The following OPCML variants were observed in gnomAD, a reference collection of about 807,000 sequenced individuals.
OPCML encodes the protein opioid binding protein/cell adhesion molecule like, also known as opioid-binding protein/cell adhesion molecule.
OPCML carries 13 observed loss-of-function variants against 37.8 expected under a neutral mutation model. The observed-to-expected ratio is 0.34, with a 90% CI of 0.22 to 0.55. OPCML has a LOEUF of 0.55. Among genes scored for constraint, OPCML ranks in the 20% least tolerant of loss-of-function variants. The pLI is 0.91. For synonymous variants in OPCML, 176 were observed against 168.8 expected (o/e 1.04, Z -0.33); for missense variants, 341 against 435.6 (o/e 0.78, Z 1.93).
chr11:132,724,343 T>C (rs1371033771), intron 2 of OPCML, among the ~76,000 whole-genome samples: 3 of 152,198 alleles, frequency 2.0e-5, no homozygotes, highest in Non-Finnish European at 1.5e-5. Context: ...AGTTCTTCTA[T>C]GTATTAGTCT....
chr11:133,024,260 G>A (rs1591922554), intron 1 of OPCML: 8 of 791,446 alleles, frequency 1.0e-5, no homozygotes, highest in Non-Finnish European at 9.2e-6. Flanking sequence ...GGTGAGAAGC[G>A]AAGAAAAAGC....
chr11:133,207,119 TAAA>T (rs71038525), intron 1 of OPCML, among the ~76,000 whole-genome samples: 46 of 99,662 alleles, frequency 4.6e-4, no homozygotes, highest in African/African-American at 1.3e-3. Flanking sequence ...AACCCTCTAC[TAAA>T]AAAAAAAAAA....
chr11:133,220,549 C>A (rs1939772432), intron 1 of OPCML, among the ~76,000 whole-genome samples: 1 of 152,138 alleles, frequency 6.6e-6, no homozygotes. Context: ...TGTCCCTTTG[C>A]CTTGCAGACC....
rs1215416899 is a variant in OPCML at position 133,458,531 on chromosome 11, G to A, written c.61+73733C>T. 3.4e-4 allele frequency among the ~76,000 whole-genome samples: 31 copies of A among 91,862 alleles called. 1 individual carries two copies. The highest frequency in any genetic ancestry group is 4.5e-4 in the Non-Finnish European group (25 of 55,524). The allele number at this position is 91,862 out of a possible 152,430, so 60.3% of individuals were successfully genotyped here. A position where few individuals can be genotyped will look rare whatever the true frequency, so the allele number is the denominator to read the frequency against. Reference sequence around the variant, plus strand: ...ATATACACATATATACACTGTGTGTGTATACACATATATACACGTGTGTGT... The same window carrying A: ...ATATACACATATATACACTGTGTGTATATACACATATATACACGTGTGTGT... On this transcript the variant is annotated intron_variant, in intron 1 of 7. Coordinates refer to ENST00000524381, the MANE Select transcript of OPCML (RefSeq NM_001012393.5).
chr11:132,524,275 A>T (rs1287444899), intron 4 of OPCML, among the ~76,000 whole-genome samples: 1 of 152,154 alleles, frequency 6.6e-6, no homozygotes, highest in Non-Finnish European at 1.5e-5. Context: ...CAGCTGATTC[A>T]CAATGTATTC....
chr11:132,817,460 CT>C (rs1565885277), intron 2 of OPCML, among the ~76,000 whole-genome samples: 1 of 151,862 alleles, frequency 6.6e-6, no homozygotes, highest in Admixed American at 6.6e-5. Context: ...TTCATGGCTT[CT>C]TTTTTTGTCT....
chr11:132,767,975 T>C (rs1160781178), intron 2 of OPCML, among the ~76,000 whole-genome samples: 1 of 152,032 alleles, frequency 6.6e-6, no homozygotes, highest in East Asian at 1.9e-4. Flanking sequence ...AAATCAAGAG[T>C]GATACTGTCA....
intron 2 of OPCML, among the ~76,000 whole-genome samples, chr11:132,754,919 C>A (rs764628344): frequency 2.0e-5 from 3 of 152,234 alleles, no homozygotes; most frequent in Non-Finnish European, 2.9e-5. Flanking sequence ...GGGTGGGATG[C>A]ATGGGAGGGA....
intron 1 of OPCML, among the ~76,000 whole-genome samples, chr11:133,322,758 T>C (rs1350563249): frequency 6.6e-6 from 1 of 152,214 alleles, no homozygotes; most frequent in Non-Finnish European, 1.5e-5. Flanking sequence ...GCCCTGGTTC[T>C]ATCTCCAAAA....
intron 1 of OPCML, among the ~76,000 whole-genome samples, chr11:133,043,102 G>A (rs750189044): frequency 1.3e-5 from 2 of 152,048 alleles, no homozygotes; most frequent in African/African-American, 4.8e-5. Context: ...CAGCCAGGTC[G>A]GCTCAAGCAA....
chr11:133,431,630 T>A (rs1011360778), intron 1 of OPCML, among the ~76,000 whole-genome samples: 4 of 151,898 alleles, frequency 2.6e-5, no homozygotes, highest in African/African-American at 9.7e-5. Context: ...CATGCCCAGC[T>A]AATTTTGTAT....
intron 4 of OPCML, among the ~76,000 whole-genome samples, chr11:132,514,161 G>C (rs1156477974): frequency 6.6e-6 from 1 of 152,112 alleles, no homozygotes; most frequent in Non-Finnish European, 1.5e-5. Context: ...TGAAAACCAA[G>C]ATTAAGTCAA....
chr11:133,149,507 T>C (rs1252337381), intron 1 of OPCML, among the ~76,000 whole-genome samples: 4 of 152,358 alleles, frequency 2.6e-5, no homozygotes, highest in East Asian at 1.9e-4. Context: ...TTACATCTCC[T>C]CTTTTCCATC....
rs149132506 is a variant in OPCML, at chr11:132,700,459, C to T, written c.147-43140G>A. On this transcript the variant is annotated intron_variant, in intron 2 of 7. Transcript: ENST00000524381. ...CCACTTGAAGCTGTTTTTGCTGCAT[C>T]CCTTAAGTTTTGGTATGTTGTGCTT... is the stretch of plus-strand genomic sequence containing the variant. Among the ~76,000 whole-genome samples the T allele has an allele frequency of 7.3e-4, 111 of 152,122 alleles. 2 individuals carry two copies. The highest frequency in any genetic ancestry group is 2.5e-3 in the African/African-American group (104 of 41,504).
chr11:133,198,317 T>C (rs980992154), intron 1 of OPCML, among the ~76,000 whole-genome samples: 3 of 152,238 alleles, frequency 2.0e-5, no homozygotes, highest in African/African-American at 7.2e-5. Context: ...TTCTGAGTTT[T>C]AAAAAGTGAA....
chr11:132,568,520 A>G (rs1021021728), intron 3 of OPCML, among the ~76,000 whole-genome samples: 1 of 152,186 alleles, frequency 6.6e-6, no homozygotes, highest in African/African-American at 2.4e-5. Flanking sequence ...AGAAGAGAGA[A>G]ATTTGGATGC....
chr11:132,688,797 A>G lies in OPCML; in HGVS notation c.147-31478T>C, dbSNP rs1171779481. ...TCTCTACTAAAAAAAAAAAATACAA[A>G]AAATTAGCCGGGCGCGGTGGCGGGC... is the stretch of plus-strand genomic sequence containing the variant. On this transcript the variant is annotated intron_variant, in intron 2 of 7. Transcript: ENST00000524381. Among the ~76,000 whole-genome samples the G allele has an allele frequency of 3.5e-3, 173 of 49,646 alleles. 49 individuals are homozygous for G. Among genetic ancestry groups the G allele is most frequent in the Non-Finnish European group, 1.1e-3 (26 of 24,186 alleles). 32.6% of individuals were successfully genotyped at this position (49,646 alleles called of 152,430 possible).
Position 133,406,493 on chromosome 11 carries a change from C to G in OPCML, c.61+125771G>C, listed in dbSNP as rs563903901. 5.3e-5 allele frequency among the ~76,000 whole-genome samples: 8 copies of G among 152,280 alleles called. No individual in the cohort carries two copies. In the South Asian group the frequency reaches 1.7e-3, roughly 32 times the overall value. On this transcript the variant is annotated intron_variant, in intron 1 of 7. Coordinates refer to ENST00000524381, the MANE Select transcript of OPCML (RefSeq NM_001012393.5). ...TAGGGCTGACCCAGTGGCAAAAAGT[C>G]TGTTCAAGCAATGATAAGAAAAATC...
At chr11:132,892,668 G>A (rs1943696885) in intron 2 of OPCML, among the ~76,000 whole-genome samples, 2 of 152,176 alleles carry the variant, frequency 1.3e-5, no homozygotes, top group Non-Finnish European at 2.9e-5. Flanking sequence ...TCGGGAGGCT[G>A]AGGCAAGAGA....
Sources: gnomAD v4.1 joint callset for allele counts (sites outside exome capture counted in the v4.1 genomes callset) on GRCh38, gnomAD v4.1.1 for gene constraint, MANE v1.5 for transcripts, NCBI Gene and HGNC (gene_info 2026-07-23, HGNC 2026-07-21) for gene names.